The following CTNNA2 variants were observed in gnomAD, a reference collection of about 807,000 sequenced individuals.
The protein encoded by CTNNA2 is catenin alpha 2, also known as catenin alpha-2.
Under a neutral mutation model 101.0 loss-of-function variants are expected in CTNNA2, and 42 were observed. The ratio of observed to expected loss-of-function variants is 0.42; its 90% CI spans 0.32 to 0.54. CTNNA2 has a LOEUF of 0.54. Among genes scored for constraint, CTNNA2 ranks in the 20% least tolerant of loss-of-function variants. The pLI, the probability that CTNNA2 is intolerant of heterozygous loss-of-function variation, is 0.14. For missense variants in CTNNA2, 871 were observed against 1,223.1 expected, an observed-to-expected ratio of 0.71 and a Z score of 4.29; for synonymous variants, 450 against 456.4, an observed-to-expected ratio of 0.99 and a Z score of 0.18.
At chr2:79,920,693 T>C (rs993109425) in intron 7 of CTNNA2, among the ~76,000 whole-genome samples, 13 of 152,254 alleles carry the variant, frequency 8.5e-5, no homozygotes, top group Admixed American at 2.6e-4. Context: ...GGCTTCTTCA[T>C]GACTCACTAT....
chr2:79,849,756 C>G (rs1394675017), intron 3 of CTNNA2, among the ~76,000 whole-genome samples: 1 of 152,126 alleles, frequency 6.6e-6, no homozygotes, highest in Non-Finnish European at 1.5e-5. Flanking sequence ...AGAAATCCAA[C>G]TAAAAGTTCA....
chr2:79,376,437 C>T (rs13404976), intron 4 of CTNNA2, among the ~76,000 whole-genome samples: 1,438 of 134,304 alleles, frequency 0.011, 28 homozygotes, highest in African/African-American at 0.037. Context: ...GCCAAAATAG[C>T]CCCTTGTTGG....
At chr2:80,001,484 G>C (rs1692943418) in intron 7 of CTNNA2, among the ~76,000 whole-genome samples, 1 of 152,184 alleles carries the variant, frequency 6.6e-6, no homozygotes, top group Non-Finnish European at 1.5e-5. Context: ...AACCTTTGAA[G>C]TATAATATGT....
At chr2:80,463,846 G>T (rs953451902) in intron 9 of CTNNA2, among the ~76,000 whole-genome samples, 1 of 152,134 alleles carries the variant, frequency 6.6e-6, no homozygotes, top group African/African-American at 2.4e-5. Context: ...ATTGCTGTAC[G>T]CAGAGGAGCT....
At chr2:80,575,607 T>A (rs1347935512) in intron 13 of CTNNA2, among the ~76,000 whole-genome samples, 1 of 152,176 alleles carries the variant, frequency 6.6e-6, no homozygotes, top group Non-Finnish European at 1.5e-5. Context: ...ACCATGAGAA[T>A]TGTATTTTCA....
rs1039848577 is a variant in CTNNA2, at chr2:79,860,601, G to A, written c.465+2422G>A. Among the ~76,000 whole-genome samples the A allele has an allele frequency of 3.0e-5, 4 of 133,132 alleles. No homozygotes were observed. In the Admixed American group the frequency reaches 3.5e-4, roughly 12 times the overall value. The allele number at this position is 133,132 out of a possible 152,430, so 87.3% of individuals were successfully genotyped here. On this transcript the variant is annotated intron_variant, in intron 4 of 18. Coordinates refer to ENST00000402739, the MANE Select transcript of CTNNA2 (RefSeq NM_001282597.3). ...CACAAAATCATGGAAAGGTCAACCT[G>A]GCAATATTAAGTAGTCCTGTCAGAC...
At chr2:79,360,302 A>G (rs1481881139) in intron 3 of CTNNA2, among the ~76,000 whole-genome samples, 1 of 152,192 alleles carries the variant, frequency 6.6e-6, no homozygotes, top group Non-Finnish European at 1.5e-5. Context: ...TGGGTCTGGA[A>G]AGATGAGAAT....
intron 7 of CTNNA2, among the ~76,000 whole-genome samples, chr2:80,102,036 G>A (rs1353858702): frequency 1.3e-5 from 2 of 151,932 alleles, no homozygotes; most frequent in Non-Finnish European, 2.9e-5. Context: ...TTCATTTCTG[G>A]CTCCCCTATC....
At chr2:79,806,276 G>T (rs936187371) in intron 3 of CTNNA2, among the ~76,000 whole-genome samples, 4 of 152,018 alleles carry the variant, frequency 2.6e-5, no homozygotes, top group African/African-American at 9.7e-5. Context: ...CTAAGAGTAC[G>T]TGAAGGGAGC....
At chr2:79,604,504 G>A (rs1677757562) in intron 1 of CTNNA2, among the ~76,000 whole-genome samples, 1 of 152,306 alleles carries the variant, frequency 6.6e-6, no homozygotes, top group African/African-American at 2.4e-5. Flanking sequence ...GGGAGAATCT[G>A]AAGTGTCTAG....
intron 4 of CTNNA2, among the ~76,000 whole-genome samples, chr2:79,490,612 G>C (rs1671198760): frequency 6.6e-6 from 1 of 152,148 alleles, no homozygotes; most frequent in South Asian, 2.1e-4. Context: ...TCAAGAAAGA[G>C]TTATTACAAC....
Position 79,997,752 on chromosome 2 carries a change from C to T in CTNNA2, c.1056+87955C>T, listed in dbSNP as rs74404029. On this transcript the variant is annotated intron_variant, in intron 7 of 18. Coordinates refer to ENST00000402739, the MANE Select transcript of CTNNA2 (RefSeq NM_001282597.3). ...ACTCTCCTCTTCTGTGCTTATAAAT[C>T]GGCCACTGTTAGTGTGACTTCATTT... is the stretch of plus-strand genomic sequence containing the variant. Among the ~76,000 whole-genome samples the T allele has an allele frequency of 3.0e-4, 46 of 152,314 alleles. 1 individual carries two copies. The East Asian group carries it at 7.7e-3, about 26-fold the overall frequency.
At chr2:80,350,609 C>A (rs140748836) in intron 7 of CTNNA2, among the ~76,000 whole-genome samples, 10 of 152,100 alleles carry the variant, frequency 6.6e-5, no homozygotes, top group Non-Finnish European at 1.3e-4. Flanking sequence ...AGAGTCCATA[C>A]CTTGTAGTAA....
chr2:79,311,639 C>T (rs1035393941), intron 2 of CTNNA2, among the ~76,000 whole-genome samples: 38 of 152,090 alleles, frequency 2.5e-4, no homozygotes, highest in Admixed American at 1.9e-3. Context: ...TTTCTCCCAT[C>T]TTGAGGTGCT....
chr2:79,207,852 A>G (rs1196216138), intron 2 of CTNNA2, among the ~76,000 whole-genome samples: 1 of 152,200 alleles, frequency 6.6e-6, no homozygotes, highest in African/African-American at 2.4e-5. Flanking sequence ...CCAGCAGGAC[A>G]CCAAAGAACT....
At chr2:80,029,952 G>C (rs969952896) in intron 7 of CTNNA2, among the ~76,000 whole-genome samples, 1 of 152,066 alleles carries the variant, frequency 6.6e-6, no homozygotes, top group Non-Finnish European at 1.5e-5. Context: ...ATTAGTGTGG[G>C]CCTTGGACAA....
intron 7 of CTNNA2, among the ~76,000 whole-genome samples, chr2:80,037,999 G>A (rs1354586423): frequency 6.6e-6 from 1 of 152,092 alleles, no homozygotes; most frequent in Admixed American, 6.5e-5. Flanking sequence ...CCTAATTGGG[G>A]GTGATGACAT....
rs377223222 is a variant in CTNNA2 at position 80,297,995 on chromosome 2, ATG to A, written c.1057-95203_1057-95202del. 4.5e-3 allele frequency among the ~76,000 whole-genome samples: 683 copies of A among 150,812 alleles called. 4 individuals carry two copies. Among genetic ancestry groups the A allele is most frequent in the African/African-American group, 0.015 (631 of 41,196 alleles). The stretch of plus-strand genomic sequence containing the variant: ...TATGGGTGTGTGTGTGTGGTTATAT[ATG>A]TGTGTGTGTGTGGTACTATGTGGTT... On this transcript the variant is annotated intron_variant, in intron 7 of 18. Transcript: ENST00000402739.
intron 7 of CTNNA2, among the ~76,000 whole-genome samples, chr2:80,099,527 A>C (rs187113756): frequency 5.9e-5 from 9 of 152,288 alleles, no homozygotes; most frequent in Admixed American, 3.9e-4. Flanking sequence ...ACTTGGGAGA[A>C]CCATGTTAAA....
Sources: gnomAD v4.1 joint callset for allele counts (sites outside exome capture counted in the v4.1 genomes callset) on GRCh38, gnomAD v4.1.1 for gene constraint, MANE v1.5 for transcripts, NCBI Gene and HGNC (gene_info 2026-07-23, HGNC 2026-07-21) for gene names.